The following CDK13 variants were observed in gnomAD, a reference collection of about 807,000 sequenced individuals.
The protein encoded by CDK13 is cyclin-dependent kinase 13.
CDK13 carries 40 observed loss-of-function variants against 137.6 expected under a neutral mutation model. That is an observed-to-expected ratio of 0.29 (90% confidence interval 0.23 to 0.38). The LOEUF (loss-of-function observed/expected upper bound fraction) is 0.38, where lower values mean the gene tolerates loss of function less well. Among genes scored for constraint, CDK13 ranks in the 10% least tolerant of loss-of-function variants. CDK13 has a pLI of 1.00. For missense variants in CDK13, 1,704 were observed against 1,951.8 expected (o/e 0.87, Z 2.39); for synonymous variants, 869 against 760.1 (o/e 1.14, Z -2.36).
At chr7:40,069,371 C>T (rs1429001879) in intron 9 of CDK13, 13 of 451,458 alleles carry the variant, frequency 2.9e-5, no homozygotes, top group Non-Finnish European at 4.9e-5. Flanking sequence ...CGGAGTATAC[C>T]GAAAAGTGTG....
intron 5 of CDK13, among the ~76,000 whole-genome samples, chr7:40,040,068 A>G (rs754888069): frequency 6.6e-5 from 10 of 151,044 alleles, no homozygotes; most frequent in Non-Finnish European, 1.3e-4. Context: ...ATGGATTGCA[A>G]TGGCACAATC....
At chr7:40,020,384 C>G (rs1044177830) in intron 5 of CDK13, among the ~76,000 whole-genome samples, 18 of 152,080 alleles carry the variant, frequency 1.2e-4, no homozygotes, top group Non-Finnish European at 5.9e-5. Flanking sequence ...GTTTTATCGC[C>G]TCATGTTACT....
At chr7:40,079,943 T>A (rs1315965668) in intron 11 of CDK13, among the ~76,000 whole-genome samples, 1 of 152,156 alleles carries the variant, frequency 6.6e-6, no homozygotes, top group Non-Finnish European at 1.5e-5. Context: ...TTTGCATTCC[T>A]TGACAGGATC....
chr7:40,078,911 C>T (rs1786604281), intron 11 of CDK13, 60 bp downstream of exon 11: 1 of 626,208 alleles, frequency 1.6e-6, no homozygotes, highest in Non-Finnish European at 2.2e-6. Context: ...TATATTAAAA[C>T]AGTTTTAATA....
At chr7:40,077,028 G>GT (rs3839684) in intron 9 of CDK13, among the ~76,000 whole-genome samples, 131,553 of 152,092 alleles carry the variant, frequency 0.86, 57,301 homozygotes, top group African/African-American at 0.94. Context: ...TTGCCTATTT[G>GT]TTATAGCATT....
chr7:39,985,784 A>C (rs1036281937), intron 1 of CDK13: 11 of 152,244 alleles, frequency 7.2e-5, no homozygotes, highest in Non-Finnish European at 1.5e-4. Context: ...CCGTGGATTA[A>C]GGGAACCCAT....
chr7:39,999,555 G>A, intron 4 of CDK13, 55 bp downstream of exon 4: 2 of 1,494,328 alleles, frequency 1.3e-6, no homozygotes, highest in East Asian at 4.8e-5. Context: ...CTTAGTTTGT[G>A]TTTCTCTTCT....
intron 1 of CDK13, among the ~76,000 whole-genome samples, chr7:39,962,821 C>T (rs1390029532): frequency 6.6e-6 from 1 of 152,156 alleles, no homozygotes; most frequent in African/African-American, 2.4e-5. Flanking sequence ...GGAAGGAATC[C>T]AGTTTCAGCT....
chr7:39,986,458 A>G (rs1237872573), intron 1 of CDK13: 1 of 152,244 alleles, frequency 6.6e-6, no homozygotes, highest in Non-Finnish European at 1.5e-5. Context: ...TTATAGAGCC[A>G]GAAGCCTGAA....
intron 5 of CDK13, among the ~76,000 whole-genome samples, chr7:40,020,756 TA>T (rs1158380311): frequency 6.6e-6 from 1 of 152,204 alleles, no homozygotes; most frequent in East Asian, 1.9e-4. Context: ...GTAAAATTTT[TA>T]AAAAGCAAGG....
intron 6 of CDK13, 128 bp downstream of exon 6, chr7:40,046,153 G>A: frequency 1.7e-6 from 1 of 600,678 alleles, no homozygotes; most frequent in Non-Finnish European, 2.9e-6. Context: ...TACCTATTAG[G>A]TACAGTGTCC....
intron 5 of CDK13, among the ~76,000 whole-genome samples, chr7:40,011,888 T>G (rs1419016462): frequency 6.6e-6 from 1 of 152,210 alleles, no homozygotes. Context: ...GTATATCTTA[T>G]AAGGAACTTG....
At chr7:40,081,557 T>G in intron 11 of CDK13, among the ~76,000 whole-genome samples, 1 of 152,212 alleles carries the variant, frequency 6.6e-6, no homozygotes, top group East Asian at 1.9e-4. Context: ...TTTTATTGAT[T>G]ACTGTATCAT....
chr7:39,971,614 AG>A (rs770627147), intron 1 of CDK13, among the ~76,000 whole-genome samples: 11 of 107,118 alleles, frequency 1.0e-4, no homozygotes, highest in Non-Finnish European at 2.0e-4. Context: ...AAAGAGGTCC[AG>A]GCTGGGTGTG....
intron 9 of CDK13, chr7:40,071,365 A>G (rs1584068719): frequency 6.6e-6 from 1 of 152,204 alleles, no homozygotes; most frequent in East Asian, 1.9e-4. Context: ...AGTTGTTGGA[A>G]TGGCAGATCT....
intron 9 of CDK13, 96 bp downstream of exon 9, chr7:40,063,196 C>A: frequency 1.1e-6 from 1 of 890,296 alleles, no homozygotes; most frequent in South Asian, 1.4e-5. Flanking sequence ...AGGAAGAGAA[C>A]AACATGGTTC....
intron 5 of CDK13, among the ~76,000 whole-genome samples, chr7:40,038,343 G>C (rs1314192146): frequency 6.6e-6 from 1 of 152,128 alleles, no homozygotes; most frequent in Admixed American, 6.6e-5. Context: ...TTGCTTAGAG[G>C]CACTGCACTG....
intron 5 of CDK13, among the ~76,000 whole-genome samples, chr7:40,024,776 G>A (rs1785209137): frequency 6.8e-6 from 1 of 147,132 alleles, no homozygotes; most frequent in Admixed American, 7.1e-5. Context: ...CGATTCCCCT[G>A]CGTCTACCTC....
intron 9 of CDK13, among the ~76,000 whole-genome samples, chr7:40,068,847 C>T (rs1024101774): frequency 1.3e-5 from 2 of 151,216 alleles, no homozygotes; most frequent in African/African-American, 4.9e-5. Flanking sequence ...TTAATCTGAA[C>T]ATGGACTTTC....
Sources: gnomAD v4.1 joint callset for allele counts (sites outside exome capture counted in the v4.1 genomes callset) on GRCh38, gnomAD v4.1.1 for gene constraint, MANE v1.5 for transcripts, NCBI Gene and HGNC (gene_info 2026-07-23, HGNC 2026-07-21) for gene names.